The following SH3TC2 variants were observed in gnomAD, a reference collection of about 807,000 sequenced individuals.
SH3TC2 encodes the protein SH3 domain and tetratricopeptide repeats 2, also known as SH3 domain and tetratricopeptide repeat-containing protein 2.
A neutral mutation model predicts 124.5 loss-of-function variants in SH3TC2; 87 were observed. That is an observed-to-expected ratio of 0.70 (90% CI 0.59 to 0.84). SH3TC2 has a LOEUF of 0.84. Ranked by LOEUF, SH3TC2 falls within the 40% of genes least tolerant of loss-of-function variation. The pLI is 0.00. For synonymous variants in SH3TC2, 634 were observed against 628.5 expected (o/e 1.01, Z -0.13); for missense variants, 1,536 against 1,566.4 (o/e 0.98, Z 0.33).
At chr5:149,036,998 A>G (rs1754293505) in intron 8 of SH3TC2, among the ~76,000 whole-genome samples, 1 of 152,064 alleles carries the variant, frequency 6.6e-6, no homozygotes. Flanking sequence ...TTTCCTAGAG[A>G]AAAGGTCCAG....
intron 12 of SH3TC2, among the ~76,000 whole-genome samples, chr5:149,021,952 C>T (rs1285025726): frequency 7.2e-5 from 2 of 27,886 alleles, no homozygotes; most frequent in Non-Finnish European, 1.0e-4. Context: ...CTCGCTCTGT[C>T]GCCCAGGCTG....
chr5:149,030,400 T>TG (rs1454355225), intron 9 of SH3TC2, among the ~76,000 whole-genome samples: 2 of 152,336 alleles, frequency 1.3e-5, no homozygotes, highest in Non-Finnish European at 2.9e-5. Flanking sequence ...AAGTGCTGTC[T>TG]GGGGCCTCCT....
At chr5:149,043,189 C>T (rs1754401191) in intron 4 of SH3TC2, among the ~76,000 whole-genome samples, 1 of 152,120 alleles carries the variant, frequency 6.6e-6, no homozygotes, top group African/African-American at 2.4e-5. Flanking sequence ...GTTCCTAGTG[C>T]CCCCTTAAAG....
At chr5:149,062,906 C>T in intron 1 of SH3TC2, 65 bp downstream of exon 1, 1 of 1,481,542 alleles carries the variant, frequency 6.7e-7, no homozygotes, top group African/African-American at 1.4e-5. Flanking sequence ...CAGCAGGTCC[C>T]TGAGCCTCTA....
intron 7 of SH3TC2, 86 bp from the exon 8 acceptor site, chr5:149,038,576 G>T (rs1754321916): frequency 4.3e-6 from 6 of 1,398,570 alleles, no homozygotes; most frequent in Admixed American, 1.7e-5. Context: ...AAAATGAGGG[G>T]TTCCCAGACT....
In SH3TC2 at chr5:148,997,799, C is replaced by G. The variant is rs943059962; in HGVS notation, c.*6912G>C. On this transcript the variant is annotated 3_prime_UTR_variant, in exon 17 of 17. Coordinates refer to ENST00000515425, the MANE Select transcript of SH3TC2 (RefSeq NM_024577.4). ...GACAAGCCACATCAATTCTCTAAAC[C>G]TCAGTGGAGATAAAAATAATAGTAA... 7.2e-5 allele frequency among the ~76,000 whole-genome samples: 11 copies of G among 152,180 alleles called. No individual in the cohort carries two copies. The highest frequency in any genetic ancestry group is 1.3e-4 in the Non-Finnish European group (9 of 68,038).
chr5:149,013,071 AATT>A (rs146215047), intron 12 of SH3TC2, among the ~76,000 whole-genome samples: 2,165 of 152,106 alleles, frequency 0.014, 49 homozygotes, highest in African/African-American at 0.05. Context: ...GATCACTTAT[AATT>A]ATTATTATTA....
intron 14 of SH3TC2, among the ~76,000 whole-genome samples, chr5:149,009,414 A>G (rs1398968993): frequency 6.6e-6 from 1 of 152,210 alleles, no homozygotes; most frequent in African/African-American, 2.4e-5. Flanking sequence ...TTTTATCATG[A>G]TAGAATTTTA....
chr5:149,044,604 T>C lies in SH3TC2; in HGVS notation c.314A>G (p.Gln105Arg). ...LSARLVSIQS[Q>R]RAQFLITFKT... Reference sequence around the variant, plus strand: ...GAAGGTGATGAGAAACTGGGCCCTCTGAGACTGGATACTGACCAACCTTGC... The same window carrying C: ...GAAGGTGATGAGAAACTGGGCCCTCCGAGACTGGATACTGACCAACCTTGC... The change falls in exon 4 of 17, where the codon CAG becomes CGG. Residue 105 changes from glutamine to arginine, a missense_variant. This residue lies in a region of SH3TC2 where 1,102 missense variants were observed against 1,098.6 expected (regional missense o/e 1.00). Coordinates refer to ENST00000515425, the MANE Select transcript of SH3TC2 (RefSeq NM_024577.4). 6.2e-7 allele frequency: 1 copy of C among 1,614,058 alleles called. No individual in the cohort carries two copies. The highest frequency in any genetic ancestry group is 8.5e-7 in the Non-Finnish European group (1 of 1,179,956).
At chr5:149,044,020 C>G in intron 4 of SH3TC2, 1 of 159,470 alleles carries the variant, frequency 6.3e-6, no homozygotes, top group Non-Finnish European at 1.4e-5. Flanking sequence ...CGCTGCATCC[C>G]AATGTCCTTC....
intron 3 of SH3TC2, 108 bp downstream of exon 3, chr5:149,047,754 T>C: frequency 6.9e-7 from 1 of 1,442,192 alleles, no homozygotes; most frequent in Non-Finnish European, 9.7e-7. Context: ...TATTAGATGT[T>C]TTTTCCGAGG....
In SH3TC2 at chr5:149,021,884, C is replaced by CTTTTTTTTTTTTT. The variant is rs869151294; in HGVS notation, c.3053+4675_3053+4687dup. Among the ~76,000 whole-genome samples, 57 of 32,790 alleles carry CTTTTTTTTTTTTT rather than the reference C, an allele frequency of 1.7e-3. 18 individuals carry two copies. Among genetic ancestry groups the CTTTTTTTTTTTTT allele is most frequent in the East Asian group, 5.4e-3 (5 of 934 alleles). The allele number at this position is 32,790 out of a possible 152,430, so 21.5% of individuals were successfully genotyped here. A position where few individuals can be genotyped will look rare whatever the true frequency, so the allele number is the denominator to read the frequency against. The stretch of plus-strand genomic sequence containing the variant: ...AACACCAATCCTTCACAAACTCTTT[C>CTTTTTTTTTTTTT]TTTTTTTTTTTTTTTTTTTTTTTTT... On this transcript the variant is annotated intron_variant, in intron 12 of 16. Coordinates refer to ENST00000515425, the MANE Select transcript of SH3TC2 (RefSeq NM_024577.4).
intron 12 of SH3TC2, among the ~76,000 whole-genome samples, chr5:149,022,836 G>A (rs1042474978): frequency 1.3e-5 from 2 of 152,150 alleles, no homozygotes; most frequent in Admixed American, 6.5e-5. Context: ...GTCCAGAATA[G>A]GCAAATCCAT....
At chr5:149,044,227 T>A (rs1162893246) in intron 4 of SH3TC2, 1 of 363,218 alleles carries the variant, frequency 2.8e-6, no homozygotes, top group Non-Finnish European at 5.3e-6. Flanking sequence ...CAAGTTCACA[T>A]CTATTTCAGT....
chr5:149,006,346 C>A (rs899974535), intron 16 of SH3TC2: 1 of 117,314 alleles, frequency 8.5e-6, no homozygotes, highest in African/African-American at 3.0e-5. Context: ...TCTAAGTATA[C>A]TTAGTTTAAA....
chr5:149,026,479 A>G, intron 12 of SH3TC2, 93 bp downstream of exon 12: 1 of 1,481,938 alleles, frequency 6.7e-7, no homozygotes, highest in Non-Finnish European at 9.4e-7. Context: ...CGCCTATACC[A>G]TGTACATTTG....
Position 148,996,418 on chromosome 5 carries a change from G to A in SH3TC2, c.*8293C>T, listed in dbSNP as rs1332033914. On this transcript the variant is annotated 3_prime_UTR_variant, in exon 17 of 17. Coordinates refer to ENST00000515425, the MANE Select transcript of SH3TC2 (RefSeq NM_024577.4). ...ACAACCGGAAATGAAAATCCTCCAA[G>A]TAATCTTTCTGTTTGCTATCCTTTC... is the stretch of plus-strand genomic sequence containing the variant. Among the ~76,000 whole-genome samples, 1 of 152,146 alleles carries A rather than the reference G, an allele frequency of 6.6e-6. No individual in the cohort carries two copies. The highest frequency in any genetic ancestry group is 2.4e-5 in the African/African-American group (1 of 41,440).
At chr5:149,010,929 A>C (rs1035560832) in intron 13 of SH3TC2, among the ~76,000 whole-genome samples, 4 of 152,224 alleles carry the variant, frequency 2.6e-5, no homozygotes, top group Admixed American at 2.0e-4. Context: ...GCTCAAAAGA[A>C]AACAGAACCT....
chr5:149,002,301 T>G lies in SH3TC2; in HGVS notation c.*2410A>C, dbSNP rs1009954292. 1.3e-5 allele frequency: 2 copies of G among 152,714 alleles called. No individual in the cohort carries two copies. The highest frequency in any genetic ancestry group is 4.8e-5 in the African/African-American group (2 of 41,444). The allele number at this position is 152,714 out of a possible 1,614,324, so 9.5% of individuals were successfully genotyped here. A position where few individuals can be genotyped will look rare whatever the true frequency, so the allele number is the denominator to read the frequency against. On this transcript the variant is annotated 3_prime_UTR_variant, in exon 17 of 17. Transcript: ENST00000515425. ...CCTGACTGTCTCCCAGGAATGTTGT[T>G]GAAAGGACTATGCACGGGAGATTAG...
Sources: gnomAD v4.1 joint callset for allele counts (sites outside exome capture counted in the v4.1 genomes callset) on GRCh38, gnomAD v4.1.1 for gene constraint, gnomAD v4.1.1 regional missense constraint, MANE v1.5 for transcripts, NCBI Gene and HGNC (gene_info 2026-07-23, HGNC 2026-07-21) for gene names.